The following KPNA5 variants were observed in gnomAD, a reference collection of about 807,000 sequenced individuals.
KPNA5 encodes karyopherin subunit alpha 5, also known as importin subunit alpha-6.
KPNA5 carries 46 observed loss-of-function variants against 71.3 expected under a neutral mutation model. That is an observed-to-expected ratio of 0.65 (90% confidence interval 0.51 to 0.83). The LOEUF (loss-of-function observed/expected upper bound fraction) is 0.83, where lower values mean the gene tolerates loss of function less well. Among genes scored for constraint, KPNA5 ranks in the 40% least tolerant of loss-of-function variants. The pLI is 0.00. For synonymous variants in KPNA5, 207 were observed against 201.4 expected, an observed-to-expected ratio of 1.03 and a Z score of -0.24; for missense variants, 547 against 628.3, an observed-to-expected ratio of 0.87 and a Z score of 1.38.
In KPNA5 at chr6:116,729,642, T is replaced by G; in HGVS notation, c.1333T>G (p.Leu445Val). 1 of 1,610,932 alleles carries G rather than the reference T, an allele frequency of 6.2e-7. No individual in the cohort carries two copies. Among genetic ancestry groups the G allele is most frequent in the Non-Finnish European group, 8.5e-7 (1 of 1,178,340 alleles). Residue 445 changes from leucine (L) to valine (V), a missense_variant, in exon 13 of 14, where the codon TTA (leucine) becomes GTA (valine). Transcript: ENST00000368564. ...GGACTCCAAAATAGTCCAAGTGGCT[T>G]TAAATGGACTTGAAAATATTTTACG... ...VMDSKIVQVA[L>V]NGLENILRLG...
chr6:116,705,739 A>G (rs1778416522), intron 7 of KPNA5, among the ~76,000 whole-genome samples: 1 of 152,198 alleles, frequency 6.6e-6, no homozygotes, highest in African/African-American at 2.4e-5. Context: ...TTTATGTAGG[A>G]TAAATGCTAA....
chr6:116,728,708 C>T (rs1265917074), intron 12 of KPNA5, among the ~76,000 whole-genome samples: 1 of 151,942 alleles, frequency 6.6e-6, no homozygotes, highest in African/African-American at 2.4e-5. Context: ...TACAACTACT[C>T]TCTGAAGTTG....
chr6:116,705,520 A>T (rs945328020), intron 7 of KPNA5, among the ~76,000 whole-genome samples: 9 of 152,174 alleles, frequency 5.9e-5, no homozygotes, highest in African/African-American at 2.2e-4. Flanking sequence ...GTATGTTTTA[A>T]ATTTTATTAA....
intron 5 of KPNA5, among the ~76,000 whole-genome samples, chr6:116,701,210 A>G (rs1272224327): frequency 1.3e-5 from 2 of 152,148 alleles, no homozygotes; most frequent in African/African-American, 2.4e-5. Flanking sequence ...CGTTTACGTG[A>G]AAAGTTATTT....
intron 4 of KPNA5, among the ~76,000 whole-genome samples, chr6:116,696,068 T>G (rs1359756847): frequency 6.6e-6 from 1 of 152,216 alleles, no homozygotes; most frequent in Non-Finnish European, 1.5e-5. Flanking sequence ...CTGATATCTT[T>G]GAGCAAGTTG....
At chr6:116,695,894 C>G (rs1056344021) in intron 4 of KPNA5, among the ~76,000 whole-genome samples, 13 of 151,978 alleles carry the variant, frequency 8.6e-5, no homozygotes, top group African/African-American at 3.1e-4. Flanking sequence ...TAGAGTTTGC[C>G]ACCAGTGTTT....
chr6:116,698,660 C>G (rs1334809668), intron 4 of KPNA5, 44 bp from the exon 5 acceptor site: 1 of 1,174,984 alleles, frequency 8.5e-7, no homozygotes, highest in East Asian at 2.4e-5. Context: ...AGATTGTTTT[C>G]TTTTTGTGTC....
chr6:116,720,685 T>C (rs1779072007), intron 8 of KPNA5, among the ~76,000 whole-genome samples: 2 of 152,026 alleles, frequency 1.3e-5, no homozygotes, highest in Non-Finnish European at 2.9e-5. Flanking sequence ...AAACCCTGTC[T>C]GTACAAAAAT....
intron 7 of KPNA5, among the ~76,000 whole-genome samples, chr6:116,711,291 TGTTTA>T (rs909625500): frequency 3.2e-4 from 49 of 151,832 alleles, no homozygotes; most frequent in Admixed American, 6.6e-5. Context: ...ACTGCCTTTT[TGTTTA>T]GTTGATTTTC....
intron 5 of KPNA5, 97 bp from the exon 6 acceptor site, chr6:116,701,922 A>G (rs1778245386): frequency 9.2e-7 from 1 of 1,084,244 alleles, no homozygotes; most frequent in Non-Finnish European, 1.3e-6. Context: ...AGTCTTTCAC[A>G]CTTGTCCTGG....
chr6:116,711,984 C>T, intron 7 of KPNA5, among the ~76,000 whole-genome samples: 1 of 152,104 alleles, frequency 6.6e-6, no homozygotes, highest in African/African-American at 2.4e-5. Context: ...TGCTCTGTTG[C>T]CCAGGCTGGA....
intron 7 of KPNA5, among the ~76,000 whole-genome samples, chr6:116,712,391 C>T (rs754651497): frequency 3.3e-5 from 5 of 152,168 alleles, no homozygotes; most frequent in Admixed American, 6.5e-5. Context: ...AATCGCTTCT[C>T]GGCCTTTTGG....
chr6:116,728,817 G>A (rs113458858), intron 12 of KPNA5, among the ~76,000 whole-genome samples: 2,563 of 152,088 alleles, frequency 0.017, 78 homozygotes, highest in African/African-American at 0.058. Flanking sequence ...GGACTTGAAG[G>A]CACACAGCCT....
rs1779016185 is a variant in KPNA5 at position 116,719,209 on chromosome 6, TTA to T, written c.756+2894_756+2895del. Among the ~76,000 whole-genome samples the T allele has an allele frequency of 2.0e-5, 3 of 152,354 alleles. No homozygotes were observed. The South Asian group carries it at 6.2e-4, about 32-fold the overall frequency. ...CCAGCAAATTGTCATATCTAAGGATTTATAGTGTTATTTGTTTGTTTGTTTTT... is the reference window on the plus strand; with the variant it reads ...CCAGCAAATTGTCATATCTAAGGATTTAGTGTTATTTGTTTGTTTGTTTTT... On this transcript the variant is annotated intron_variant, in intron 8 of 13. Transcript: ENST00000368564.
Position 116,739,287 on chromosome 6 carries a change from A to G in KPNA5, c.*6964A>G, listed in dbSNP as rs1169939897. 2.0e-5 allele frequency: 3 copies of G among 152,182 alleles called. No individual in the cohort carries two copies. The highest frequency in any genetic ancestry group is 7.2e-5 in the African/African-American group (3 of 41,440). 9.4% of individuals were successfully genotyped at this position (152,182 alleles called of 1,614,324 possible). On this transcript the variant is annotated 3_prime_UTR_variant, in exon 14 of 14. Coordinates refer to ENST00000368564, the MANE Select transcript of KPNA5 (RefSeq NM_001366306.2). ...AATAAAATACTTAGGAATCCAACTT[A>G]CAAGGGACGTGAAGGACCTCTTCAA...
At chr6:116,684,213 A>G (rs1432416965) in intron 1 of KPNA5, among the ~76,000 whole-genome samples, 3 of 152,078 alleles carry the variant, frequency 2.0e-5, no homozygotes, top group Non-Finnish European at 2.9e-5. Context: ...CCGCCCGGCC[A>G]TATTGAGCAG....
intron 8 of KPNA5, among the ~76,000 whole-genome samples, chr6:116,720,122 C>T (rs1249296037): frequency 2.0e-5 from 3 of 152,210 alleles, no homozygotes; most frequent in Non-Finnish European, 2.9e-5. Flanking sequence ...GTCTATCCTG[C>T]TTCTTATCAG....
intron 4 of KPNA5, among the ~76,000 whole-genome samples, chr6:116,697,562 T>C (rs1778074189): frequency 6.6e-6 from 1 of 152,084 alleles, no homozygotes; most frequent in Non-Finnish European, 1.5e-5. Flanking sequence ...ACAGGTGTTT[T>C]ATGTCCACCA....
intron 8 of KPNA5, among the ~76,000 whole-genome samples, chr6:116,716,783 T>A: frequency 6.6e-6 from 1 of 152,176 alleles, no homozygotes; most frequent in East Asian, 1.9e-4. Flanking sequence ...GTTAGGAAGG[T>A]AGAAAGGGGG....
Sources: gnomAD v4.1 joint callset for allele counts (sites outside exome capture counted in the v4.1 genomes callset) on GRCh38, gnomAD v4.1.1 for gene constraint, MANE v1.5 for transcripts, NCBI Gene and HGNC (gene_info 2026-07-23, HGNC 2026-07-21) for gene names.